Variants in SLC10A7 observed in about 807,000 individuals in gnomAD.
SLC10A7 encodes solute carrier family 10 member 7.
SLC10A7 carries 29 observed loss-of-function variants against 43.2 expected under a neutral mutation model. The observed-to-expected ratio is 0.67, with a 90% CI of 0.50 to 0.92. SLC10A7 has a LOEUF of 0.92. Ranked by LOEUF, SLC10A7 falls within the 40% of genes least tolerant of loss-of-function variation. The pLI, the probability that SLC10A7 is intolerant of heterozygous loss-of-function variation, is 0.00. For synonymous variants in SLC10A7, 152 were observed against 144.8 expected (o/e 1.05, Z -0.35); for missense variants, 295 against 403.2 (o/e 0.73, Z 2.30).
intron 5 of SLC10A7, among the ~76,000 whole-genome samples, chr4:146,427,913 G>C (rs1228263251): frequency 1.3e-5 from 2 of 152,114 alleles, no homozygotes; most frequent in African/African-American, 4.8e-5. Context: ...GCTCATACCT[G>C]TAATCCTAGC....
chr4:146,284,129 T>C (rs2111122362), intron 9 of SLC10A7, among the ~76,000 whole-genome samples: 1 of 152,304 alleles, frequency 6.6e-6, no homozygotes. Context: ...GATTGTGCCC[T>C]TATATTTTAG....
At chr4:146,493,874 C>T (rs1006311459) in intron 4 of SLC10A7, among the ~76,000 whole-genome samples, 9 of 152,172 alleles carry the variant, frequency 5.9e-5, no homozygotes, top group Non-Finnish European at 1.0e-4. Context: ...CAATTTACTG[C>T]TTGTTTTATA....
At chr4:146,515,909 C>CA (rs57840725) in intron 2 of SLC10A7, among the ~76,000 whole-genome samples, 1,101 of 78,922 alleles carry the variant, frequency 0.014, 12 homozygotes, top group Non-Finnish European at 0.019. Flanking sequence ...GATTCCATCT[C>CA]AAAAAAAAAA....
chr4:146,401,982 C>T (rs955360950), intron 5 of SLC10A7, among the ~76,000 whole-genome samples: 3 of 152,076 alleles, frequency 2.0e-5, no homozygotes, highest in Admixed American at 2.0e-4. Flanking sequence ...TACATCTATA[C>T]CACCACTACA....
intron 5 of SLC10A7, among the ~76,000 whole-genome samples, chr4:146,347,337 C>T (rs1734695276): frequency 6.6e-6 from 1 of 152,102 alleles, no homozygotes; most frequent in Non-Finnish European, 1.5e-5. Context: ...TTCTCATCTT[C>T]CAGGAAATCA....
At chr4:146,398,133 ATGAC>A (rs1293930506) in intron 5 of SLC10A7, among the ~76,000 whole-genome samples, 1 of 152,228 alleles carries the variant, frequency 6.6e-6, no homozygotes, top group Non-Finnish European at 1.5e-5. Flanking sequence ...ATGCATGTGA[ATGAC>A]TGTATGAATA....
chr4:146,515,034 A>C, intron 2 of SLC10A7: 1 of 680,204 alleles, frequency 1.5e-6, no homozygotes, highest in African/African-American at 1.8e-5. Context: ...AAGGTTTCTT[A>C]GGTGCTTACA....
chr4:146,458,327 G>C (rs1732257706), intron 4 of SLC10A7, among the ~76,000 whole-genome samples: 1 of 151,560 alleles, frequency 6.6e-6, no homozygotes, highest in African/African-American at 2.4e-5. Context: ...AATTTCCTCT[G>C]CCTCATATAA....
intron 2 of SLC10A7, among the ~76,000 whole-genome samples, chr4:146,513,346 C>A (rs1225075074): frequency 6.6e-6 from 1 of 151,862 alleles, no homozygotes; most frequent in Non-Finnish European, 1.5e-5. Flanking sequence ...TATAGATCTG[C>A]AATATGTGTA....
At chr4:146,501,283 G>A (rs143587864) in intron 4 of SLC10A7, among the ~76,000 whole-genome samples, 158 of 152,252 alleles carry the variant, frequency 1.0e-3, no homozygotes, top group Admixed American at 1.8e-3. Flanking sequence ...TCGTTAGTAT[G>A]TCCACTTGGA....
rs533085409 is a variant in SLC10A7 at position 146,406,231 on chromosome 4, T to C, written c.435+36552A>G. Reference sequence around the variant, plus strand: ...AAAATTAAAAAACCAAGAAAATCCATATACAATTATAGAATTTTATAGAAT... The same window carrying C: ...AAAATTAAAAAACCAAGAAAATCCACATACAATTATAGAATTTTATAGAAT... On this transcript the variant is annotated intron_variant, in intron 5 of 11. Transcript: ENST00000335472. Among the ~76,000 whole-genome samples, 553 of 152,256 alleles carry C rather than the reference T, an allele frequency of 3.6e-3. 15 individuals carry two copies. The highest frequency in any genetic ancestry group is 2.7e-3 in the Non-Finnish European group (187 of 68,012).
At chr4:146,466,626 T>C (rs28459382) in intron 4 of SLC10A7, among the ~76,000 whole-genome samples, 2,798 of 152,292 alleles carry the variant, frequency 0.018, 91 homozygotes, top group African/African-American at 0.064. Context: ...CTCTTCAAAA[T>C]TGCATTTCAT....
intron 4 of SLC10A7, among the ~76,000 whole-genome samples, chr4:146,496,476 G>C (rs1560966140): frequency 6.6e-6 from 1 of 152,108 alleles, no homozygotes; most frequent in Non-Finnish European, 1.5e-5. Flanking sequence ...GTGGATCATA[G>C]AAAGCAGAAA....
In SLC10A7 at chr4:146,258,673, G is replaced by A. The variant is rs766685607; in HGVS notation, c.993+19C>T. The A allele has an allele frequency of 1.9e-6, 3 of 1,569,006 alleles. No individual in the cohort carries two copies. Among genetic ancestry groups the A allele is most frequent in the Non-Finnish European group, 2.6e-6 (3 of 1,166,568 alleles). The stretch of plus-strand genomic sequence containing the variant: ...TTTAATCTAACTTGGATCCAAATAA[G>A]ATCTTTCTGGGGACTCACCTTCTGC... On this transcript the variant is annotated intron_variant, in intron 11 of 11. Coordinates refer to ENST00000335472, the MANE Select transcript of SLC10A7 (RefSeq NM_001029998.6).
rs1731270720 is a variant in SLC10A7 at position 146,303,142 on chromosome 4, G to A, written c.555+2784C>T. Among the ~76,000 whole-genome samples the A allele has an allele frequency of 2.6e-5, 4 of 152,242 alleles. No individual in the cohort carries two copies. The South Asian group carries it at 8.3e-4, about 32-fold the overall frequency. ...TAAAGACCAGGTGCTCTTGCCTTAA[G>A]GCAGCACAACTCTGAGGGGTCATTC... On this transcript the variant is annotated intron_variant, in intron 7 of 11. Coordinates refer to ENST00000335472, the MANE Select transcript of SLC10A7 (RefSeq NM_001029998.6).
chr4:146,495,591 G>A (rs1051645981), intron 4 of SLC10A7, among the ~76,000 whole-genome samples: 3 of 152,142 alleles, frequency 2.0e-5, no homozygotes, highest in East Asian at 1.9e-4. Flanking sequence ...AGTTAGTAAT[G>A]AGTGCTTCAT....
intron 5 of SLC10A7, among the ~76,000 whole-genome samples, chr4:146,400,205 TGAG>T (rs1739132641): frequency 6.6e-6 from 1 of 152,142 alleles, no homozygotes; most frequent in Admixed American, 6.5e-5. Context: ...TTTTGTAAGA[TGAG>T]GACAGAAAAA....
intron 4 of SLC10A7, among the ~76,000 whole-genome samples, chr4:146,453,241 T>C (rs942138298): frequency 1.3e-5 from 2 of 152,000 alleles, no homozygotes; most frequent in African/African-American, 2.4e-5. Flanking sequence ...GAAAAAAATA[T>C]ATTCAAGTTA....
At chr4:146,432,788 C>T (rs186782773) in intron 5 of SLC10A7, among the ~76,000 whole-genome samples, 181 of 152,146 alleles carry the variant, frequency 1.2e-3, no homozygotes, top group African/African-American at 3.9e-3. Context: ...GCCTGTAATC[C>T]CAGAACTTTG....
Sources: allele counts gnomAD v4.1 joint callset (sites outside exome capture counted in the v4.1 genomes callset), GRCh38; gene constraint gnomAD v4.1.1; transcripts MANE v1.5; gene names NCBI Gene and HGNC (gene_info 2026-07-23, HGNC 2026-07-21).